Variants in MEF2A observed in about 807,000 individuals in gnomAD.
The protein encoded by MEF2A is myocyte-specific enhancer factor 2A.
A neutral mutation model predicts 55.8 loss-of-function variants in MEF2A; 28 were observed. The ratio of observed to expected loss-of-function variants is 0.50; its 90% CI spans 0.37 to 0.69. The LOEUF is 0.69. Among genes scored for constraint, MEF2A ranks in the 30% least tolerant of loss-of-function variants. The pLI, the probability that MEF2A is intolerant of heterozygous loss-of-function variation, is 0.00. For missense variants in MEF2A, 528 were observed against 626.2 expected (o/e 0.84, Z 1.67); for synonymous variants, 239 against 227.1 (o/e 1.05, Z -0.47).
chr15:99,648,302 A>G (rs756950284), intron 4 of MEF2A, among the ~76,000 whole-genome samples: 30 of 152,048 alleles, frequency 2.0e-4, no homozygotes, highest in Non-Finnish European at 3.7e-4. Flanking sequence ...TTGCAAGTTG[A>G]TCTTATTTAG....
At chr15:99,673,910 A>G (rs569080261) in intron 5 of MEF2A, among the ~76,000 whole-genome samples, 2 of 152,048 alleles carry the variant, frequency 1.3e-5, no homozygotes, top group East Asian at 3.9e-4. Context: ...TTAAATCAGA[A>G]TGGGGAATAT....
At chr15:99,592,761 C>G (rs1026047750) in intron 1 of MEF2A, among the ~76,000 whole-genome samples, 29 of 152,060 alleles carry the variant, frequency 1.9e-4, no homozygotes, top group Admixed American at 2.6e-4. Context: ...TGAGAACTCA[C>G]TACCAAGAGG....
chr15:99,589,863 T>C (rs938108168), intron 1 of MEF2A, among the ~76,000 whole-genome samples: 2 of 152,128 alleles, frequency 1.3e-5, no homozygotes, highest in African/African-American at 4.8e-5. Flanking sequence ...AGAAAACAGT[T>C]TCTATGTCAT....
At position 99,712,540 on chromosome 15, in the gene MEF2A, G is replaced by A. The variant is rs748415125; in HGVS notation, c.1287G>A (p.Pro429=). Residue 429 remains proline, a synonymous_variant, in exon 12 of 12, where the codon CCG becomes CCA. Transcript: ENST00000557942. The surrounding 1 kb of genome is among the most constrained non-coding windows in gnomAD (Gnocchi z 4.1). ...AGCAGCAGCAGCAGCAGCAGCAGCCGCCGCCACCACCGCAGCCCCAGCCAC... is the reference window on the plus strand; with the variant it reads ...AGCAGCAGCAGCAGCAGCAGCAGCCACCGCCACCACCGCAGCCCCAGCCAC... ...QQQQQQQQQQ[P]PPPPQPQPQP... The A allele has an allele frequency of 7.0e-5, 109 of 1,547,324 alleles. No homozygotes were observed. The highest frequency in any genetic ancestry group is 2.0e-4 in the East Asian group (8 of 40,392).
chr15:99,653,954 A>G (rs1427012063), intron 4 of MEF2A, among the ~76,000 whole-genome samples: 1 of 152,164 alleles, frequency 6.6e-6, no homozygotes, highest in African/African-American at 2.4e-5. Flanking sequence ...ATGCTCTGAA[A>G]AAAGAACGTA....
At position 99,706,383 on chromosome 15, in the gene MEF2A, A is replaced by C. The variant is rs2058046506; in HGVS notation, c.883-346A>C. 3.9e-5 allele frequency among the ~76,000 whole-genome samples: 6 copies of C among 152,256 alleles called. No individual in the cohort carries two copies. The South Asian group carries it at 1.2e-3, about 31-fold the overall frequency. ...GACCTTTGCCATCATCAGGTATTTAAAACCTACACATACTTCATTTAGGGG... is the reference window on the plus strand; with the variant it reads ...GACCTTTGCCATCATCAGGTATTTACAACCTACACATACTTCATTTAGGGG... On this transcript the variant is annotated intron_variant, in intron 9 of 11. Coordinates refer to ENST00000557942, the MANE Select transcript of MEF2A (RefSeq NM_001319206.4).
At chr15:99,620,730 C>G (rs2041010892) in intron 2 of MEF2A, among the ~76,000 whole-genome samples, 1 of 151,978 alleles carries the variant, frequency 6.6e-6, no homozygotes, top group African/African-American at 2.4e-5. Context: ...AATGGTAGTT[C>G]TGTTTTAAGT....
intron 4 of MEF2A, among the ~76,000 whole-genome samples, chr15:99,668,489 A>G (rs999362878): frequency 2.0e-5 from 3 of 152,226 alleles, no homozygotes; most frequent in African/African-American, 7.2e-5. Flanking sequence ...GAAAAACTCA[A>G]TCACGTTATT....
intron 7 of MEF2A, among the ~76,000 whole-genome samples, chr15:99,677,147 TAAAATA>T (rs1567413021): frequency 6.7e-6 from 1 of 148,912 alleles, no homozygotes; most frequent in African/African-American, 2.4e-5. Context: ...AATAAATAAA[TAAAATA>T]AAACACCATC....
chr15:99,600,630 A>G (rs1972657147), intron 2 of MEF2A, among the ~76,000 whole-genome samples: 1 of 152,146 alleles, frequency 6.6e-6, no homozygotes, highest in African/African-American at 2.4e-5. Flanking sequence ...TATAGATATC[A>G]TATTGTTCCA....
chr15:99,594,187 T>TG (rs1345701698), intron 1 of MEF2A, among the ~76,000 whole-genome samples: 4 of 152,230 alleles, frequency 2.6e-5, no homozygotes, highest in Non-Finnish European at 5.9e-5. Flanking sequence ...TCAGTACTTC[T>TG]GATCAATTGG....
chr15:99,645,751 C>A lies in MEF2A; in HGVS notation c.245C>A (p.Ser82Ter). ...GAACCTCATGAAAGCAGAACCAACTCGGATATTGTTGAGGTAACACATATC... is the reference window on the plus strand; with the variant it reads ...GAACCTCATGAAAGCAGAACCAACTAGGATATTGTTGAGGTAACACATATC... ...YNEPHESRTNSDIVETLRKKG... is the reference protein window; with the variant it reads ...YNEPHESRTN Residue 82 changes from serine to a stop codon, truncating the protein, a stop_gained, in exon 4 of 12, where the codon TCG becomes TAG. Transcript: ENST00000557942. LOFTEE classifies it high-confidence loss of function. 6.2e-7 allele frequency: 1 copy of A among 1,601,382 alleles called. No individual in the cohort carries two copies. Among genetic ancestry groups the A allele is most frequent in the South Asian group, 1.1e-5 (1 of 89,052 alleles).
At chr15:99,691,934 A>T (rs1444435640) in intron 8 of MEF2A, among the ~76,000 whole-genome samples, 4 of 152,170 alleles carry the variant, frequency 2.6e-5, no homozygotes, top group Non-Finnish European at 5.9e-5. Flanking sequence ...GAACAGGAGA[A>T]TCTATTTATC....
intron 1 of MEF2A, among the ~76,000 whole-genome samples, chr15:99,589,792 A>T (rs910383126): frequency 6.6e-6 from 1 of 152,120 alleles, no homozygotes; most frequent in African/African-American, 2.4e-5. Flanking sequence ...GTCCCAAAAT[A>T]GAAATGTCCC....
At chr15:99,605,324 A>C (rs549585464) in intron 2 of MEF2A, among the ~76,000 whole-genome samples, 3 of 152,298 alleles carry the variant, frequency 2.0e-5, no homozygotes, top group Admixed American at 1.3e-4. Context: ...TTTAAGGACA[A>C]ATGATTACCA....
At chr15:99,582,363 G>A (rs921878065) in intron 1 of MEF2A, among the ~76,000 whole-genome samples, 2 of 151,932 alleles carry the variant, frequency 1.3e-5, no homozygotes, top group South Asian at 2.1e-4. Context: ...CTTGTATCCC[G>A]CTTTCTTCTT....
chr15:99,696,419 G>A (rs1034489654), intron 8 of MEF2A, among the ~76,000 whole-genome samples: 9 of 151,998 alleles, frequency 5.9e-5, no homozygotes, highest in African/African-American at 1.7e-4. Flanking sequence ...CTGGCCATAA[G>A]GAAATCAAAC....
At chr15:99,664,968 A>G (rs2049323522) in intron 4 of MEF2A, among the ~76,000 whole-genome samples, 1 of 152,252 alleles carries the variant, frequency 6.6e-6, no homozygotes, top group African/African-American at 2.4e-5. Flanking sequence ...ACTCAAAAAT[A>G]TAACACATTT....
intron 7 of MEF2A, among the ~76,000 whole-genome samples, 176 bp downstream of exon 7, chr15:99,675,634 A>G (rs538347098): frequency 6.6e-6 from 1 of 152,260 alleles, no homozygotes; most frequent in Non-Finnish European, 1.5e-5. Context: ...TACCAAAGTT[A>G]GACTGTTACC....
Sources: gnomAD v4.1 joint callset for allele counts (sites outside exome capture counted in the v4.1 genomes callset) on GRCh38, gnomAD v4.1.1 for gene constraint, Gnocchi (gnomAD v3.1) non-coding constraint, MANE v1.5 for transcripts, NCBI Gene and HGNC (gene_info 2026-07-23, HGNC 2026-07-21) for gene names.